The following ERBB4 variants were observed in gnomAD, a reference collection of about 807,000 sequenced individuals.
ERBB4 encodes the protein receptor tyrosine-protein kinase erbB-4.
Under a neutral mutation model 158.0 loss-of-function variants are expected in ERBB4, and 42 were observed. The observed-to-expected ratio is 0.27, with a 90% CI of 0.21 to 0.34. The LOEUF (loss-of-function observed/expected upper bound fraction) is 0.34, where lower values mean the gene tolerates loss of function less well. Ranked by LOEUF, ERBB4 falls within the 10% of genes least tolerant of loss-of-function variation. ERBB4 has a pLI of 1.00. For missense variants in ERBB4, 1,333 were observed against 1,624.1 expected, an observed-to-expected ratio of 0.82 and a Z score of 3.08; for synonymous variants, 583 against 558.7, an observed-to-expected ratio of 1.04 and a Z score of -0.61.
At chr2:212,504,761 GATT>G (rs1488172805) in intron 1 of ERBB4, among the ~76,000 whole-genome samples, 1 of 152,002 alleles carries the variant, frequency 6.6e-6, no homozygotes, top group Non-Finnish European at 1.5e-5. Context: ...ATTATGATTT[GATT>G]ATTATCTGAG....
chr2:212,479,956 C>CT (rs1486743874), intron 1 of ERBB4, among the ~76,000 whole-genome samples: 1 of 151,662 alleles, frequency 6.6e-6, no homozygotes, highest in African/African-American at 2.4e-5. Flanking sequence ...GATAATTCTA[C>CT]TTTTTTCTGT....
chr2:211,441,943 C>A (rs2063987925), intron 20 of ERBB4, among the ~76,000 whole-genome samples: 1 of 152,128 alleles, frequency 6.6e-6, no homozygotes, highest in Non-Finnish European at 1.5e-5. Context: ...TGACATATTT[C>A]TCTTTGCTTA....
chr2:211,806,346 A>G (rs2076615164), intron 3 of ERBB4, among the ~76,000 whole-genome samples: 1 of 152,186 alleles, frequency 6.6e-6, no homozygotes, highest in Non-Finnish European at 1.5e-5. Flanking sequence ...TACTAAGTGA[A>G]ATTCTTTTTA....
intron 1 of ERBB4, among the ~76,000 whole-genome samples, chr2:212,493,404 T>C (rs906700515): frequency 2.0e-5 from 3 of 151,462 alleles, no homozygotes; most frequent in Non-Finnish European, 4.4e-5. Context: ...TAAATAAAAA[T>C]ACAAACATTT....
intron 1 of ERBB4, among the ~76,000 whole-genome samples, chr2:212,174,778 G>A (rs1277672552): frequency 1.3e-5 from 2 of 152,026 alleles, no homozygotes; most frequent in African/African-American, 2.4e-5. Context: ...GGAAAAAGGA[G>A]TATTATAAAC....
At chr2:212,216,088 G>T (rs953749573) in intron 1 of ERBB4, among the ~76,000 whole-genome samples, 2 of 151,236 alleles carry the variant, frequency 1.3e-5, no homozygotes, top group Non-Finnish European at 3.0e-5. Context: ...TACTTGCGTT[G>T]TAAGTTTCCA....
intron 2 of ERBB4, among the ~76,000 whole-genome samples, chr2:212,051,569 T>C: frequency 6.6e-6 from 1 of 152,136 alleles, no homozygotes; most frequent in African/African-American, 2.4e-5. Flanking sequence ...AGAAAGCAAA[T>C]GACAACAAAA....
intron 2 of ERBB4, among the ~76,000 whole-genome samples, chr2:212,015,458 G>A (rs2076507613): frequency 6.6e-6 from 1 of 151,872 alleles, no homozygotes; most frequent in Non-Finnish European, 1.5e-5. Flanking sequence ...TGAGGTGAAG[G>A]ACCAACTCTC....
intron 2 of ERBB4, among the ~76,000 whole-genome samples, chr2:212,073,525 G>T (rs1386004910): frequency 6.6e-6 from 1 of 151,916 alleles, no homozygotes; most frequent in Non-Finnish European, 1.5e-5. Context: ...CAGGTAGCTA[G>T]TCACCCTGCA....
chr2:211,831,669 AGGTGGGTG>A, intron 3 of ERBB4, among the ~76,000 whole-genome samples: 1 of 152,296 alleles, frequency 6.6e-6, no homozygotes, highest in South Asian at 2.1e-4. Flanking sequence ...TGGGAGGCTG[AGGTGGGTG>A]GATCACCTGA....
At chr2:211,697,121 G>A (rs2073056851) in intron 12 of ERBB4, among the ~76,000 whole-genome samples, 2 of 147,860 alleles carry the variant, frequency 1.4e-5, no homozygotes, top group Admixed American at 1.3e-4. Context: ...ATACTCATCT[G>A]CAAATGCAGA....
chr2:211,618,727 TACC>T (rs2069484915), intron 19 of ERBB4, among the ~76,000 whole-genome samples: 1 of 152,146 alleles, frequency 6.6e-6, no homozygotes, highest in African/African-American at 2.4e-5. Context: ...AGTGACTTAT[TACC>T]ACCACCACAT....
rs1220966718 is a variant in ERBB4, at chr2:211,417,088, A to G, written c.3135+3353T>C. 7.2e-5 allele frequency among the ~76,000 whole-genome samples: 11 copies of G among 152,328 alleles called. No individual in the cohort carries two copies. In the South Asian group the frequency reaches 2.3e-3, roughly 32 times the overall value. On this transcript the variant is annotated intron_variant, in intron 25 of 27. Coordinates refer to ENST00000342788, the MANE Select transcript of ERBB4 (RefSeq NM_005235.3). ...TTTTAAATCCCCATTTTACAGATAT[A>G]GAGCACGGTTTGCAGAAGTTAAATA... is the stretch of plus-strand genomic sequence containing the variant.
At chr2:211,693,262 G>C (rs1237849178) in intron 12 of ERBB4, among the ~76,000 whole-genome samples, 1 of 152,100 alleles carries the variant, frequency 6.6e-6, no homozygotes, top group Non-Finnish European at 1.5e-5. Context: ...AAAGTATTTT[G>C]TTGAAAGTCT....
intron 20 of ERBB4, among the ~76,000 whole-genome samples, chr2:211,512,680 A>G (rs1402457666): frequency 6.6e-6 from 1 of 152,168 alleles, no homozygotes; most frequent in Non-Finnish European, 1.5e-5. Context: ...CTATGTCTTT[A>G]AATTTTTACA....
At chr2:212,000,493 G>T (rs2076078614) in intron 2 of ERBB4, among the ~76,000 whole-genome samples, 1 of 151,860 alleles carries the variant, frequency 6.6e-6, no homozygotes, top group Non-Finnish European at 1.5e-5. Context: ...AAAAGAAGGT[G>T]AAGTTCTATA....
chr2:211,442,136 C>A lies in ERBB4; in HGVS notation c.2488-11036G>T, dbSNP rs570046014. ...GAATTCTTCACCTTGAACTCTATGGCCAAGCAAAGCTGAAAACCCTCTAAT... is the reference window on the plus strand; with the variant it reads ...GAATTCTTCACCTTGAACTCTATGGACAAGCAAAGCTGAAAACCCTCTAAT... On this transcript the variant is annotated intron_variant, in intron 20 of 27. Transcript: ENST00000342788. 3.9e-5 allele frequency among the ~76,000 whole-genome samples: 6 copies of A among 152,192 alleles called. No individual in the cohort carries two copies. The East Asian group carries it at 1.2e-3, about 29-fold the overall frequency.
chr2:211,952,889 T>A (rs1050552427), intron 2 of ERBB4, among the ~76,000 whole-genome samples: 2 of 151,854 alleles, frequency 1.3e-5, no homozygotes, highest in East Asian at 1.9e-4. Context: ...AAAAAAAAAA[T>A]TATAATATCA....
chr2:211,674,922 C>T (rs1045887953), intron 13 of ERBB4, among the ~76,000 whole-genome samples: 2 of 152,072 alleles, frequency 1.3e-5, no homozygotes, highest in Admixed American at 1.3e-4. Context: ...CCCACTTCCC[C>T]ACACGCAGAG....
Sources: gnomAD v4.1 joint callset for allele counts (sites outside exome capture counted in the v4.1 genomes callset) on GRCh38, gnomAD v4.1.1 for gene constraint, MANE v1.5 for transcripts, NCBI Gene and HGNC (gene_info 2026-07-23, HGNC 2026-07-21) for gene names.